The following CCDC73 variants were observed in gnomAD, a reference collection of about 807,000 sequenced individuals.
The protein encoded by CCDC73 is coiled-coil domain containing 73, also known as coiled-coil domain-containing protein 73.
In CCDC73, 95 loss-of-function variants were observed where a neutral mutation model predicts 116.5. The observed-to-expected ratio is 0.82, with a 90% CI of 0.69 to 0.97. The LOEUF (loss-of-function observed/expected upper bound fraction) is 0.97. Ranked by LOEUF, CCDC73 falls within the 50% of genes least tolerant of loss-of-function variation. CCDC73 has a pLI of 0.00. For missense variants in CCDC73, 1,066 were observed against 1,206.8 expected, an observed-to-expected ratio of 0.88 and a Z score of 1.73; for synonymous variants, 398 against 401.3, an observed-to-expected ratio of 0.99 and a Z score of 0.10.
At chr11:32,724,204 T>C (rs1186507981) in intron 2 of CCDC73, among the ~76,000 whole-genome samples, 2 of 152,150 alleles carry the variant, frequency 1.3e-5, no homozygotes, top group Non-Finnish European at 2.9e-5. Context: ...TTTTCCCTCA[T>C]ACTTTTCTTA....
chr11:32,746,222 A>T (rs1850237814), intron 2 of CCDC73, among the ~76,000 whole-genome samples: 1 of 152,258 alleles, frequency 6.6e-6, no homozygotes, highest in South Asian at 2.1e-4. Context: ...TGGGTTGAAA[A>T]TTCTTTTCTT....
rs1268948988 is a variant in CCDC73 at position 32,653,289 on chromosome 11, T to C, written c.835-62A>G. ...TAAGATAGGTATGTTTCTAAAATCATTCTTCACATACATTTTCTAGTTTCC... is the reference window on the plus strand; with the variant it reads ...TAAGATAGGTATGTTTCTAAAATCACTCTTCACATACATTTTCTAGTTTCC... On this transcript the variant is annotated intron_variant, in intron 11 of 17. Transcript: ENST00000335185. 1.6e-5 allele frequency: 16 copies of C among 1,029,016 alleles called. No individual in the cohort carries two copies. In the African/African-American group the frequency reaches 2.4e-4, roughly 16 times the overall value. The allele number at this position is 1,029,016 out of a possible 1,614,324, so 63.7% of individuals were successfully genotyped here. A position where few individuals can be genotyped will look rare whatever the true frequency, so the allele number is the denominator to read the frequency against.
intron 1 of CCDC73, among the ~76,000 whole-genome samples, chr11:32,760,811 TG>T (rs1850385520): frequency 6.6e-6 from 1 of 152,192 alleles, no homozygotes; most frequent in African/African-American, 2.4e-5. Context: ...CACAGGTAGT[TG>T]CAAAAGAATG....
chr11:32,709,895 T>C (rs1445059725), intron 3 of CCDC73, among the ~76,000 whole-genome samples: 1 of 152,242 alleles, frequency 6.6e-6, no homozygotes, highest in African/African-American at 2.4e-5. Context: ...GTTATTGGTC[T>C]GTTCAGAGTT....
rs1481234668 is a variant in CCDC73 at position 32,760,103 on chromosome 11, GC to G, written c.135+5del. 1 of 1,594,182 alleles carries G rather than the reference GC, an allele frequency of 6.3e-7. No homozygotes were observed. Reference sequence around the variant, plus strand: ...TTTAACAAAAGCATTTTAAAAAGGAGCTTACCCTTCTCATACGCAATTCTTC... The same window carrying G: ...TTTAACAAAAGCATTTTAAAAAGGAGTTACCCTTCTCATACGCAATTCTTC... On this transcript the variant is annotated splice_donor_5th_base_variant and intron_variant, in intron 2 of 17. Coordinates refer to ENST00000335185, the MANE Select transcript of CCDC73 (RefSeq NM_001008391.4).
chr11:32,664,543 T>C (rs1855962262), intron 9 of CCDC73, among the ~76,000 whole-genome samples: 1 of 152,228 alleles, frequency 6.6e-6, no homozygotes, highest in Non-Finnish European at 1.5e-5. Context: ...TTATCCTTTT[T>C]TATTGTGTCT....
intron 9 of CCDC73, among the ~76,000 whole-genome samples, chr11:32,674,802 G>T (rs1181995216): frequency 1.2e-4 from 18 of 152,146 alleles, no homozygotes; most frequent in Admixed American, 9.8e-4. Flanking sequence ...CTGCCAATTT[G>T]GGGCTCAGCT....
intron 3 of CCDC73, among the ~76,000 whole-genome samples, chr11:32,713,828 G>A (rs1225841002): frequency 2.6e-5 from 4 of 151,980 alleles, no homozygotes; most frequent in African/African-American, 9.7e-5. Flanking sequence ...GATGTCTCTG[G>A]TGTACAGCTG....
chr11:32,717,872 A>G (rs1280254604), intron 3 of CCDC73, among the ~76,000 whole-genome samples: 1 of 152,148 alleles, frequency 6.6e-6, no homozygotes, highest in Non-Finnish European at 1.5e-5. Flanking sequence ...AAGGTGACAG[A>G]AAGGAGAAGT....
At chr11:32,617,395 C>T (rs371317045) in intron 14 of CCDC73, among the ~76,000 whole-genome samples, 3 of 151,024 alleles carry the variant, frequency 2.0e-5, no homozygotes, top group Non-Finnish European at 4.4e-5. Context: ...CTATTATACA[C>T]TCTAATGTTT....
At chr11:32,678,893 A>T (rs199549506) in intron 7 of CCDC73, among the ~76,000 whole-genome samples, 4,813 of 148,660 alleles carry the variant, frequency 0.032, 183 homozygotes, top group East Asian at 0.12. Context: ...AAAAAAAAAA[A>T]AAAAATATAT....
rs2133222915 is a variant in CCDC73 at position 32,616,124 on chromosome 11, A to C, written c.1191T>G (p.Val397=). 3 of 1,570,584 alleles carry C rather than the reference A, an allele frequency of 1.9e-6. No homozygotes were observed. The East Asian group carries it at 6.9e-5, about 36-fold the overall frequency. The part of the protein sequence containing the change: ...TFEEDKKFQN[V]PEVNNENSEM... ...CACTGTTTTCATTATTTACTTCTGGAACATTCTAGTGTAAAATGGAAGAGA... is the reference window on the plus strand; with the variant it reads ...CACTGTTTTCATTATTTACTTCTGGCACATTCTAGTGTAAAATGGAAGAGA... Residue 397 remains valine (V), a synonymous_variant, in exon 15 of 18, where the codon GTT becomes GTG. Coordinates refer to ENST00000335185, the MANE Select transcript of CCDC73 (RefSeq NM_001008391.4).
intron 17 of CCDC73, chr11:32,604,716 G>A (rs1252127527): frequency 6.6e-6 from 1 of 152,170 alleles, no homozygotes; most frequent in African/African-American, 2.4e-5. Flanking sequence ...CTAGGCTGCA[G>A]TGATTATCAT....
intron 6 of CCDC73, among the ~76,000 whole-genome samples, chr11:32,686,574 T>C (rs1017707562): frequency 6.6e-6 from 1 of 152,082 alleles, no homozygotes; most frequent in Non-Finnish European, 1.5e-5. Context: ...CAGAAGACAA[T>C]GTATTACTCT....
intron 2 of CCDC73, among the ~76,000 whole-genome samples, chr11:32,726,143 C>T (rs1850028195): frequency 6.6e-6 from 1 of 152,172 alleles, no homozygotes; most frequent in African/African-American, 2.4e-5. Context: ...TACAACTTTT[C>T]ATGCACAAAG....
chr11:32,737,547 G>A (rs1373920728), intron 2 of CCDC73, among the ~76,000 whole-genome samples: 1 of 151,704 alleles, frequency 6.6e-6, no homozygotes, highest in Non-Finnish European at 1.5e-5. Flanking sequence ...GAATCTGGGA[G>A]GCAGAGGTTG....
intron 3 of CCDC73, among the ~76,000 whole-genome samples, chr11:32,717,629 T>G (rs908591660): frequency 6.6e-6 from 1 of 152,176 alleles, no homozygotes; most frequent in Non-Finnish European, 1.5e-5. Flanking sequence ...AAAATTAACT[T>G]GGCAATAAGG....
At chr11:32,760,861 C>T (rs1247598106) in intron 1 of CCDC73, among the ~76,000 whole-genome samples, 1 of 152,128 alleles carries the variant, frequency 6.6e-6, no homozygotes, top group Admixed American at 6.5e-5. Context: ...CAATAACCCC[C>T]GCAAATGTTA....
rs1234431668 is a variant in CCDC73, at chr11:32,755,699, A to G, written c.135+4410T>C. 1.0e-3 allele frequency among the ~76,000 whole-genome samples: 55 copies of G among 53,322 alleles called. 2 individuals carry two copies. The highest frequency in any genetic ancestry group is 4.3e-3 in the African/African-American group (53 of 12,408). 35.0% of individuals were successfully genotyped at this position (53,322 alleles called of 152,430 possible). A position where few individuals can be genotyped will look rare whatever the true frequency, so the allele number is the denominator to read the frequency against. ...TATATATCTCCATATATATGTGTAT[A>G]TATATATCTCCATATATATGTGTAT... On this transcript the variant is annotated intron_variant, in intron 2 of 17. Coordinates refer to ENST00000335185, the MANE Select transcript of CCDC73 (RefSeq NM_001008391.4).
Sources: allele counts gnomAD v4.1 joint callset (sites outside exome capture counted in the v4.1 genomes callset), GRCh38; gene constraint gnomAD v4.1.1; transcripts MANE v1.5; gene names NCBI Gene and HGNC (gene_info 2026-07-23, HGNC 2026-07-21).